CHST11: variants seen among roughly 807,000 people sequenced by gnomAD.
CHST11 encodes the protein C4S-1.
CHST11 carries 9 observed loss-of-function variants against 30.4 expected under a neutral mutation model. The observed-to-expected ratio is 0.30, with a 90% CI of 0.18 to 0.52. CHST11 has a LOEUF of 0.52. Ranked by LOEUF, CHST11 falls within the 20% of genes least tolerant of loss-of-function variation. The pLI is 0.97. For synonymous variants in CHST11, 152 were observed against 187.8 expected (o/e 0.81, Z 1.56); for missense variants, 348 against 460.6 (o/e 0.76, Z 2.24).
rs375788683 is a variant in CHST11, at chr12:104,644,271, G to A, written c.204+42280G>A. Among the ~76,000 whole-genome samples, 15 of 152,226 alleles carry A rather than the reference G, an allele frequency of 9.9e-5. No homozygotes were observed. In the East Asian group the frequency reaches 2.1e-3, roughly 22 times the overall value. The stretch of plus-strand genomic sequence containing the variant: ...CTTCCCTGCATCTGGGTGGACTCCC[G>A]CATGCACTTGCTGCATTTCGTCTCA... On this transcript the variant is annotated intron_variant, in intron 2 of 2. Transcript: ENST00000303694.
intron 1 of CHST11, among the ~76,000 whole-genome samples, chr12:104,470,848 A>G (rs1285794065): frequency 1.3e-5 from 2 of 152,216 alleles, no homozygotes; most frequent in African/African-American, 4.8e-5. Context: ...CCTCACTAGT[A>G]TGCCCATCTC....
intron 1 of CHST11, among the ~76,000 whole-genome samples, chr12:104,477,454 C>A (rs1392444176): frequency 6.6e-6 from 1 of 152,090 alleles, no homozygotes; most frequent in African/African-American, 2.4e-5. Context: ...TATGGAGAAA[C>A]CCTATTGTCT....
intron 2 of CHST11, among the ~76,000 whole-genome samples, chr12:104,633,527 A>G (rs906463840): frequency 2.7e-5 from 4 of 145,636 alleles, no homozygotes; most frequent in African/African-American, 5.1e-5. Flanking sequence ...CAATTCTCGT[A>G]CCTCAGCCTC....
intron 2 of CHST11, among the ~76,000 whole-genome samples, chr12:104,714,311 C>T (rs553783758): frequency 6.6e-6 from 1 of 152,146 alleles, no homozygotes; most frequent in Admixed American, 6.5e-5. Context: ...GATTGAGGCA[C>T]TGGGGAGAAA....
At chr12:104,461,600 T>A (rs1448732866) in intron 1 of CHST11, among the ~76,000 whole-genome samples, 1 of 152,328 alleles carries the variant, frequency 6.6e-6, no homozygotes, top group East Asian at 1.9e-4. Flanking sequence ...TTGTTTGAAA[T>A]CTACTGTTCA....
intron 1 of CHST11, among the ~76,000 whole-genome samples, chr12:104,477,844 G>C (rs184476996): frequency 6.6e-6 from 1 of 152,224 alleles, no homozygotes; most frequent in East Asian, 1.9e-4. Flanking sequence ...CAATTGCTCT[G>C]CAGTTGGAAA....
intron 1 of CHST11, among the ~76,000 whole-genome samples, chr12:104,580,085 C>T (rs760371995): frequency 2.0e-5 from 3 of 152,264 alleles, no homozygotes; most frequent in South Asian, 4.1e-4. Flanking sequence ...TCAATAAAAG[C>T]GTCGTCTTTT....
chr12:104,697,956 A>G (rs2136111452), intron 2 of CHST11, among the ~76,000 whole-genome samples: 1 of 152,252 alleles, frequency 6.6e-6, no homozygotes, highest in South Asian at 2.1e-4. Flanking sequence ...ATTTAAGAAT[A>G]TTTGGGCCTC....
At chr12:104,640,765 A>G (rs2039369389) in intron 2 of CHST11, among the ~76,000 whole-genome samples, 1 of 152,224 alleles carries the variant, frequency 6.6e-6, no homozygotes, top group Admixed American at 6.5e-5. Context: ...ATCAGTCACA[A>G]CATATGTACC....
intron 2 of CHST11, among the ~76,000 whole-genome samples, chr12:104,692,820 G>A (rs1275888137): frequency 6.6e-6 from 1 of 151,580 alleles, no homozygotes; most frequent in African/African-American, 2.4e-5. Flanking sequence ...CTGATGATCT[G>A]AGGTGGAACA....
intron 2 of CHST11, among the ~76,000 whole-genome samples, chr12:104,685,138 G>A (rs1394659559): frequency 6.6e-6 from 1 of 152,182 alleles, no homozygotes; most frequent in Non-Finnish European, 1.5e-5. Context: ...CAGATGGTTA[G>A]CATTAATTTA....
intron 2 of CHST11, among the ~76,000 whole-genome samples, chr12:104,607,856 C>T (rs770341612): frequency 7.9e-5 from 12 of 152,134 alleles, no homozygotes; most frequent in Admixed American, 2.6e-4. Context: ...CAAAAACTGG[C>T]GTGCATCTTA....
At chr12:104,690,851 A>T (rs1447421499) in intron 2 of CHST11, among the ~76,000 whole-genome samples, 4 of 152,010 alleles carry the variant, frequency 2.6e-5, no homozygotes, top group African/African-American at 9.7e-5. Context: ...AAAATAAAAG[A>T]GATATGAGCA....
chr12:104,549,577 A>T (rs574184735), intron 1 of CHST11, among the ~76,000 whole-genome samples: 1 of 152,294 alleles, frequency 6.6e-6, no homozygotes, highest in East Asian at 1.9e-4. Flanking sequence ...AAACAAAGGA[A>T]GGGAAGAAAT....
intron 1 of CHST11, among the ~76,000 whole-genome samples, chr12:104,537,183 C>T (rs770722554): frequency 4.6e-5 from 7 of 152,196 alleles, no homozygotes; most frequent in Non-Finnish European, 1.0e-4. Flanking sequence ...AAGTGAAGAG[C>T]TCAAATAACA....
chr12:104,658,964 C>T (rs1456413810), intron 2 of CHST11, among the ~76,000 whole-genome samples: 1 of 152,246 alleles, frequency 6.6e-6, no homozygotes, highest in African/African-American at 2.4e-5. Flanking sequence ...GGCAGTCTGG[C>T]TGCAGAGGAT....
chr12:104,561,472 G>T (rs1264944780), intron 1 of CHST11, among the ~76,000 whole-genome samples: 1 of 152,190 alleles, frequency 6.6e-6, no homozygotes, highest in Non-Finnish European at 1.5e-5. Context: ...TTTATTCTAG[G>T]TACCAGCGTG....
chr12:104,606,025 C>T (rs150646881), intron 2 of CHST11, among the ~76,000 whole-genome samples: 2 of 152,002 alleles, frequency 1.3e-5, no homozygotes, highest in African/African-American at 2.4e-5. Context: ...GGGAGAGACT[C>T]ACAGCACAGG....
chr12:104,483,630 C>A (rs1294723793), intron 1 of CHST11, among the ~76,000 whole-genome samples: 3 of 152,228 alleles, frequency 2.0e-5, no homozygotes, highest in African/African-American at 7.2e-5. Context: ...ACAAACTCCC[C>A]AATGTTACCT....
Sources: allele counts gnomAD v4.1 joint callset (sites outside exome capture counted in the v4.1 genomes callset), GRCh38; gene constraint gnomAD v4.1.1; transcripts MANE v1.5; gene names NCBI Gene and HGNC (gene_info 2026-07-23, HGNC 2026-07-21).